The following CKAP5 variants were observed in gnomAD, a reference collection of about 807,000 sequenced individuals.
CKAP5 encodes the protein cytoskeleton-associated protein 5.
In CKAP5, 27 loss-of-function variants were observed where a neutral mutation model predicts 232.8. The ratio of observed to expected loss-of-function variants is 0.12; its 90% CI spans 0.09 to 0.16. CKAP5 has a LOEUF of 0.16. Among genes scored for constraint, CKAP5 ranks in the 10% least tolerant of loss-of-function variants. CKAP5 has a pLI of 1.00. For missense variants in CKAP5, 1,838 were observed against 2,424.7 expected (o/e 0.76, Z 5.08); for synonymous variants, 785 against 841.1 (o/e 0.93, Z 1.16).
Position 46,810,088 on chromosome 11 carries a change from C to T in CKAP5, c.631-214G>A, listed in dbSNP as rs138507578. Among the ~76,000 whole-genome samples the T allele has an allele frequency of 2.4e-3, 369 of 152,006 alleles. 2 individuals carry two copies. Among genetic ancestry groups the T allele is most frequent in the African/African-American group, 8.4e-3 (350 of 41,462 alleles). On this transcript the variant is annotated intron_variant, in intron 5 of 43. Coordinates refer to ENST00000529230, the MANE Select transcript of CKAP5 (RefSeq NM_001008938.4). ...TTGGGTTCAAGCAATTCCCGTGCCT[C>T]AGCCTCTCGAGTGGCTAGGATTACA...
intron 1 of CKAP5, among the ~76,000 whole-genome samples, chr11:46,823,215 A>C (rs549817977): frequency 6.6e-6 from 1 of 152,002 alleles, no homozygotes; most frequent in African/African-American, 2.4e-5. Flanking sequence ...AAGTGATCCC[A>C]CTGATCGTGA....
Position 46,770,789 on chromosome 11 carries a change from T to C in CKAP5, c.3185A>G (p.Lys1062Arg), listed in dbSNP as rs933304346. Reference protein sequence around the residue: ...EKMAKATGKLKPTSKDQVLAM... With the variant: ...EKMAKATGKLRPTSKDQVLAM... ...AGTAGCAGCAACAAGAAGTAGTACC[T>C]TTAGTTTCCCAGTAGCCTTGGCCAT... The change falls in exon 25 of 44, where the codon AAG (lysine) becomes AGG (arginine). Residue 1062 changes from lysine (K) to arginine (R), a missense_variant and splice_region_variant. Around this residue, in one of 6 missense-constraint regions of CKAP5, gnomAD observed 767 missense variants for 954.6 expected, o/e 0.80. Coordinates refer to ENST00000529230, the MANE Select transcript of CKAP5 (RefSeq NM_001008938.4). The C allele has an allele frequency of 6.2e-7, 1 of 1,613,238 alleles. No individual in the cohort carries two copies.
intron 35 of CKAP5, among the ~76,000 whole-genome samples, chr11:46,757,656 C>T (rs528746722): frequency 3.3e-5 from 5 of 151,944 alleles, no homozygotes; most frequent in South Asian, 2.1e-4. Context: ...GGCACGATTT[C>T]GGCTCACTGC....
Position 46,791,937 on chromosome 11 carries a change from C to T in CKAP5, c.1651-1354G>A, listed in dbSNP as rs80016477. 4.5e-3 allele frequency among the ~76,000 whole-genome samples: 685 copies of T among 152,262 alleles called. 10 individuals are homozygous for T. The highest frequency in any genetic ancestry group is 0.041 in the East Asian group (212 of 5,180). Reference sequence around the variant, plus strand: ...TTCAACATCCAGACCTGTTCTGAAACTAATGTTATCTTGAATATATTCCAA... The same window carrying T: ...TTCAACATCCAGACCTGTTCTGAAATTAATGTTATCTTGAATATATTCCAA... On this transcript the variant is annotated intron_variant, in intron 13 of 43. Coordinates refer to ENST00000529230, the MANE Select transcript of CKAP5 (RefSeq NM_001008938.4).
At chr11:46,781,108 A>C (rs745437437) in intron 18 of CKAP5, among the ~76,000 whole-genome samples, 3 of 152,042 alleles carry the variant, frequency 2.0e-5, no homozygotes, top group Non-Finnish European at 2.9e-5. Flanking sequence ...ATATACTGAA[A>C]CCAAACTCCT....
chr11:46,765,324 C>T, intron 27 of CKAP5, 68 bp from the exon 28 acceptor site: 1 of 1,386,154 alleles, frequency 7.2e-7, no homozygotes, highest in Non-Finnish European at 9.7e-7. Context: ...ATGCTGCTGC[C>T]CAGTAAAAGG....
intron 36 of CKAP5, among the ~76,000 whole-genome samples, chr11:46,754,481 CTTTTA>C (rs1213778188): frequency 2.6e-5 from 4 of 152,024 alleles, no homozygotes; most frequent in South Asian, 4.1e-4. Flanking sequence ...AATTTTTTCC[CTTTTA>C]TTTTTAGTTG....
chr11:46,817,571 T>C lies in CKAP5; in HGVS notation c.251+739A>G, dbSNP rs190279424. 3.9e-5 allele frequency among the ~76,000 whole-genome samples: 6 copies of C among 152,342 alleles called. No individual in the cohort carries two copies. In the East Asian group the frequency reaches 1.2e-3, roughly 29 times the overall value. On this transcript the variant is annotated intron_variant, in intron 3 of 43. Coordinates refer to ENST00000529230, the MANE Select transcript of CKAP5 (RefSeq NM_001008938.4). ...ACTAACGGTAAAGGAAACCCAGTGA[T>C]GCCAGTTAACCAAATTGTCAAATTA...
intron 16 of CKAP5, among the ~76,000 whole-genome samples, chr11:46,788,300 C>T (rs562212313): frequency 6.6e-6 from 1 of 152,236 alleles, no homozygotes; most frequent in Admixed American, 6.5e-5. Context: ...CCAAGCTGGG[C>T]GCGGTGGCTC....
chr11:46,756,129 G>A (rs1272572855), intron 35 of CKAP5, among the ~76,000 whole-genome samples: 1 of 152,164 alleles, frequency 6.6e-6, no homozygotes, highest in Non-Finnish European at 1.5e-5. Context: ...TACACTGGTT[G>A]TCACTAATGA....
intron 2 of CKAP5, 83 bp from the exon 3 acceptor site, chr11:46,818,586 G>C: frequency 1.1e-6 from 1 of 920,544 alleles, no homozygotes. Context: ...GAGGGTGTGA[G>C]AATAGAAATG....
At chr11:46,754,103 A>G (rs566765694) in intron 36 of CKAP5, among the ~76,000 whole-genome samples, 5 of 150,946 alleles carry the variant, frequency 3.3e-5, no homozygotes, top group Admixed American at 3.3e-4. Flanking sequence ...GGTTCAAGCA[A>G]TTCTCTGCCT....
chr11:46,845,519 G>A (rs578153804), intron 1 of CKAP5, among the ~76,000 whole-genome samples: 1 of 152,320 alleles, frequency 6.6e-6, no homozygotes, highest in East Asian at 1.9e-4. Context: ...ATTACAAGTA[G>A]AGGGGAGAGC....
At chr11:46,782,202 A>T (rs1396035127) in intron 18 of CKAP5, among the ~76,000 whole-genome samples, 1 of 152,078 alleles carries the variant, frequency 6.6e-6, no homozygotes, top group East Asian at 1.9e-4. Context: ...TCTTTACTCA[A>T]ATGTAACTCC....
chr11:46,838,496 G>A (rs1417682905), intron 1 of CKAP5, among the ~76,000 whole-genome samples: 1 of 151,530 alleles, frequency 6.6e-6, no homozygotes, highest in Non-Finnish European at 1.5e-5. Flanking sequence ...ATGACAGCCA[G>A]ACACGGTGGC....
intron 27 of CKAP5, among the ~76,000 whole-genome samples, 177 bp from the exon 28 acceptor site, chr11:46,765,433 A>ACCT (rs1407694101): frequency 1.3e-5 from 2 of 152,104 alleles, no homozygotes; most frequent in Non-Finnish European, 2.9e-5. Flanking sequence ...GTTCTCTAGA[A>ACCT]ATTTTTCTGA....
At chr11:46,807,159 A>G (rs1939176270) in intron 8 of CKAP5, among the ~76,000 whole-genome samples, 1 of 152,248 alleles carries the variant, frequency 6.6e-6, no homozygotes, top group Non-Finnish European at 1.5e-5. Flanking sequence ...TAAATATGCT[A>G]TCTCCAAACA....
chr11:46,843,966 A>T (rs1302220443), intron 1 of CKAP5, among the ~76,000 whole-genome samples: 1 of 152,112 alleles, frequency 6.6e-6, no homozygotes, highest in East Asian at 1.9e-4. Context: ...CACACCTGTA[A>T]TCCCAACACT....
At chr11:46,753,601 T>C (rs546871033) in intron 36 of CKAP5, 104 bp from the exon 37 acceptor site, 2 of 919,218 alleles carry the variant, frequency 2.2e-6, no homozygotes, top group East Asian at 5.5e-5. Context: ...TGTATTTTTT[T>C]TTTGAGACGG....
Sources: allele counts gnomAD v4.1 joint callset (sites outside exome capture counted in the v4.1 genomes callset), GRCh38; gene constraint gnomAD v4.1.1; regional missense constraint gnomAD v4.1.1; transcripts MANE v1.5; gene names NCBI Gene and HGNC (gene_info 2026-07-23, HGNC 2026-07-21).